Variants in GRIN1 observed in about 807,000 individuals in gnomAD.
GRIN1 encodes the protein glutamate receptor ionotropic, NMDA 1.
GRIN1 carries 38 observed loss-of-function variants against 103.0 expected under a neutral mutation model. The observed-to-expected ratio is 0.37, with a 90% CI of 0.28 to 0.48. The LOEUF (loss-of-function observed/expected upper bound fraction) is 0.48, where lower values mean the gene tolerates loss of function less well. Among genes scored for constraint, GRIN1 ranks in the 20% least tolerant of loss-of-function variants. The pLI, the probability that GRIN1 is intolerant of heterozygous loss-of-function variation, is 0.98. For synonymous variants in GRIN1, 544 were observed against 532.7 expected (o/e 1.02, Z -0.29); for missense variants, 577 against 1,288.9 (o/e 0.45, Z 8.46).
rs1463560451 is a variant in GRIN1 at position 137,167,733 on chromosome 9, G to A, written c.*206G>A. 6.2e-7 allele frequency: 1 copy of A among 1,610,536 alleles called. No homozygotes were observed. Among genetic ancestry groups the A allele is most frequent in the East Asian group, 2.2e-5 (1 of 44,792 alleles). ...CCGGCCCCGCGCGTGCCCCCAGCGTGGGGCTAACGGGCGCCTTGTCTGTGT... is the reference window on the plus strand; with the variant it reads ...CCGGCCCCGCGCGTGCCCCCAGCGTAGGGCTAACGGGCGCCTTGTCTGTGT... On this transcript the variant is annotated 3_prime_UTR_variant, in exon 20 of 20. Transcript: ENST00000371561.
At chr9:137,149,866 C>T (rs1342132590) in intron 4 of GRIN1, among the ~76,000 whole-genome samples, 1 of 152,194 alleles carries the variant, frequency 6.6e-6, no homozygotes, top group Non-Finnish European at 1.5e-5. Flanking sequence ...AGGAACACAG[C>T]CCAGCCCTCC....
intron 6 of GRIN1, among the ~76,000 whole-genome samples, chr9:137,157,498 C>A (rs1703547049): frequency 6.6e-6 from 1 of 152,200 alleles, no homozygotes; most frequent in Admixed American, 6.5e-5. Context: ...AAACAGCACC[C>A]CTCTCCCTGT....
At chr9:137,165,613 G>C (rs1293043340) in intron 19 of GRIN1, among the ~76,000 whole-genome samples, 1 of 152,158 alleles carries the variant, frequency 6.6e-6, no homozygotes, top group Non-Finnish European at 1.5e-5. Flanking sequence ...ACCACCTCTC[G>C]GGGCCAGGTC....
intron 3 of GRIN1, among the ~76,000 whole-genome samples, chr9:137,148,512 C>T (rs1832672010): frequency 6.6e-6 from 1 of 152,184 alleles, no homozygotes. Context: ...CCTCGTGGAA[C>T]CCGGGAGGGA....
intron 2 of GRIN1, among the ~76,000 whole-genome samples, chr9:137,144,024 ATTC>A (rs1490030338): frequency 1.3e-5 from 2 of 152,204 alleles, no homozygotes; most frequent in African/African-American, 4.8e-5. Context: ...CCAAGAGTGA[ATTC>A]TTCTTCATAC....
At position 137,162,820 on chromosome 9, in the gene GRIN1, G is replaced by A. The variant is rs758893923; in HGVS notation, c.2014-26G>A. 33 of 1,610,394 alleles carry A rather than the reference G, an allele frequency of 2.0e-5. No homozygotes were observed. In the Admixed American group the frequency reaches 5.0e-4, roughly 25 times the overall value. ...GTTAGGGGCCTGGGGAGCCGCCGCC[G>A]CGATCCCTGCCCTCCGACCCTGCAG... On this transcript the variant is annotated intron_variant, in intron 14 of 19. Transcript: ENST00000371561.
Sources: gnomAD v4.1 joint callset for allele counts (sites outside exome capture counted in the v4.1 genomes callset) on GRCh38, gnomAD v4.1.1 for gene constraint, MANE v1.5 for transcripts, NCBI Gene and HGNC (gene_info 2026-07-23, HGNC 2026-07-21) for gene names.